CNTNAP5: variants seen among roughly 807,000 people sequenced by gnomAD.
CNTNAP5 encodes the protein contactin-associated protein-like 5.
Under a neutral mutation model 150.2 loss-of-function variants are expected in CNTNAP5, and 72 were observed. The ratio of observed to expected loss-of-function variants is 0.48; its 90% CI spans 0.40 to 0.58. CNTNAP5 has a LOEUF of 0.58. CNTNAP5 is among the 20% of genes least tolerant of loss of function. The pLI is 0.00. For missense variants in CNTNAP5, 1,636 were observed against 1,626.2 expected, an observed-to-expected ratio of 1.01 and a Z score of -0.10; for synonymous variants, 672 against 619.8, an observed-to-expected ratio of 1.08 and a Z score of -1.25.
intron 3 of CNTNAP5, among the ~76,000 whole-genome samples, chr2:124,301,274 G>C (rs1481478957): frequency 6.6e-6 from 1 of 152,186 alleles, no homozygotes; most frequent in Non-Finnish European, 1.5e-5. Context: ...GCTAAATAAA[G>C]TGTAGTATCG....
chr2:124,026,243 A>G lies in CNTNAP5; in HGVS notation c.82+511A>G, dbSNP rs544266402. 9.5e-4 allele frequency among the ~76,000 whole-genome samples: 144 copies of G among 152,284 alleles called. 3 individuals carry two copies. In the South Asian group the frequency reaches 0.028, roughly 29 times the overall value. On this transcript the variant is annotated intron_variant, in intron 1 of 23. Coordinates refer to ENST00000682447, the MANE Select transcript of CNTNAP5 (RefSeq NM_001367498.1). ...CTCCAGTTGGGGTATCTTGCAACCA[A>G]TGGGCACCGGTTTAACAGGATTGGG...
intron 3 of CNTNAP5, among the ~76,000 whole-genome samples, chr2:124,278,744 T>A (rs776160448): frequency 2.0e-4 from 30 of 152,300 alleles, no homozygotes; most frequent in African/African-American, 7.0e-4. Flanking sequence ...TGAGTTACAT[T>A]GGTTTCTAGC....
At chr2:124,177,364 T>C (rs1558788225) in intron 1 of CNTNAP5, among the ~76,000 whole-genome samples, 1 of 152,118 alleles carries the variant, frequency 6.6e-6, no homozygotes, top group Non-Finnish European at 1.5e-5. Context: ...TTTTCTGAGC[T>C]CCAACAACGG....
chr2:124,729,839 C>T (rs1680233609), intron 13 of CNTNAP5, among the ~76,000 whole-genome samples: 1 of 152,096 alleles, frequency 6.6e-6, no homozygotes, highest in Non-Finnish European at 1.5e-5. Flanking sequence ...AACCTGTTCA[C>T]ATTCATTTTT....
rs373281091 is a variant in CNTNAP5, at chr2:124,786,742, A to G, written c.2753-3160A>G. 3.0e-3 allele frequency among the ~76,000 whole-genome samples: 458 copies of G among 152,182 alleles called. 7 individuals are homozygous for G. In the South Asian group the frequency reaches 0.041, roughly 14 times the overall value. ...TGAGAGAGGAGGATGAGGGAAGATTACTGTTGCCTTTCTGTTTCTGTACAA... is the reference window on the plus strand; with the variant it reads ...TGAGAGAGGAGGATGAGGGAAGATTGCTGTTGCCTTTCTGTTTCTGTACAA... On this transcript the variant is annotated intron_variant, in intron 17 of 23. Transcript: ENST00000682447.
At chr2:124,761,425 T>A (rs1428932061) in intron 14 of CNTNAP5, among the ~76,000 whole-genome samples, 2 of 152,168 alleles carry the variant, frequency 1.3e-5, no homozygotes, top group Non-Finnish European at 2.9e-5. Flanking sequence ...GTTCCCATTA[T>A]AATTTTTTAA....
intron 1 of CNTNAP5, among the ~76,000 whole-genome samples, chr2:124,084,666 A>G (rs1682636584): frequency 6.6e-6 from 1 of 152,106 alleles, no homozygotes; most frequent in African/African-American, 2.4e-5. Context: ...ATGTGCTTGC[A>G]TATATGTGTT....
Position 124,587,139 on chromosome 2 carries a change from A to G in CNTNAP5, c.1757-22662A>G, listed in dbSNP as rs569098182. On this transcript the variant is annotated intron_variant, in intron 11 of 23. Coordinates refer to ENST00000682447, the MANE Select transcript of CNTNAP5 (RefSeq NM_001367498.1). The stretch of plus-strand genomic sequence containing the variant: ...AACCACTAACTCAAGTTGTAACTAT[A>G]GTATCAAATGCTAACTATTGTTATC... 4.6e-3 allele frequency among the ~76,000 whole-genome samples: 696 copies of G among 152,318 alleles called. 2 individuals are homozygous for G. Among genetic ancestry groups the G allele is most frequent in the Non-Finnish European group, 7.2e-3 (491 of 68,028 alleles).
chr2:124,649,099 A>T (rs1678265751), intron 13 of CNTNAP5, among the ~76,000 whole-genome samples: 1 of 152,132 alleles, frequency 6.6e-6, no homozygotes, highest in Non-Finnish European at 1.5e-5. Context: ...TGAAATGAAA[A>T]TCTTTCTCAA....
chr2:124,468,025 C>T (rs56938554), intron 6 of CNTNAP5, among the ~76,000 whole-genome samples: 19,930 of 151,996 alleles, frequency 0.13, 1,651 homozygotes, highest in Non-Finnish European at 0.19. Flanking sequence ...GTTTGTGTAT[C>T]GTGCTGCGTC....
intron 1 of CNTNAP5, among the ~76,000 whole-genome samples, chr2:124,156,172 T>C (rs1028576253): frequency 6.6e-6 from 1 of 152,202 alleles, no homozygotes; most frequent in Non-Finnish European, 1.5e-5. Flanking sequence ...TGGTCGACTC[T>C]GAAAGAATCT....
intron 3 of CNTNAP5, among the ~76,000 whole-genome samples, chr2:124,299,145 T>G (rs1553456248): frequency 6.6e-6 from 1 of 152,098 alleles, no homozygotes; most frequent in Non-Finnish European, 1.5e-5. Flanking sequence ...CATCACAGAT[T>G]AAATCCCAGG....
chr2:124,142,549 T>C (rs1430097847), intron 1 of CNTNAP5, among the ~76,000 whole-genome samples: 2 of 137,186 alleles, frequency 1.5e-5, no homozygotes, highest in African/African-American at 5.6e-5. Flanking sequence ...ACTGGATACA[T>C]AACGAAATGA....
At chr2:124,192,089 G>A (rs1685472302) in intron 1 of CNTNAP5, among the ~76,000 whole-genome samples, 1 of 152,132 alleles carries the variant, frequency 6.6e-6, no homozygotes. Context: ...TGTGGAGCAG[G>A]ATGCTTTGTG....
chr2:124,400,669 G>GTTTTTTTTTTTTTTT (rs760418441), intron 3 of CNTNAP5, among the ~76,000 whole-genome samples: 85 of 84,468 alleles, frequency 1.0e-3, no homozygotes, highest in African/African-American at 2.4e-3. Flanking sequence ...TAAAGGCATT[G>GTTTTTTTTTTTTTTT]TTTTTTTTTT....
intron 3 of CNTNAP5, among the ~76,000 whole-genome samples, chr2:124,358,256 C>T (rs369062645): frequency 6.6e-6 from 1 of 151,610 alleles, no homozygotes; most frequent in Non-Finnish European, 1.5e-5. Context: ...CAAACAGGGA[C>T]AATTTGACTT....
chr2:124,176,220 G>A (rs1391308509), intron 1 of CNTNAP5, among the ~76,000 whole-genome samples: 1 of 152,144 alleles, frequency 6.6e-6, no homozygotes, highest in African/African-American at 2.4e-5. Context: ...CTTAAAACAT[G>A]GCAAATGACC....
At chr2:124,315,085 C>G (rs1688931024) in intron 3 of CNTNAP5, among the ~76,000 whole-genome samples, 1 of 151,814 alleles carries the variant, frequency 6.6e-6, no homozygotes, top group Non-Finnish European at 1.5e-5. Flanking sequence ...GCTCAAGCCT[C>G]CCTAGTAGCT....
At chr2:124,256,180 T>A (rs1687309740) in intron 3 of CNTNAP5, among the ~76,000 whole-genome samples, 1 of 151,918 alleles carries the variant, frequency 6.6e-6, no homozygotes. Context: ...CTTGTCAATA[T>A]AAAAAAAACC....
Sources: gnomAD v4.1 joint callset for allele counts (sites outside exome capture counted in the v4.1 genomes callset) on GRCh38, gnomAD v4.1.1 for gene constraint, MANE v1.5 for transcripts, NCBI Gene and HGNC (gene_info 2026-07-23, HGNC 2026-07-21) for gene names.